The following LPP variants were observed in gnomAD, a reference collection of about 807,000 sequenced individuals.
LPP encodes LIM domain containing preferred translocation partner in lipoma, also known as lipoma-preferred partner.
In LPP, 38 loss-of-function variants were observed where a neutral mutation model predicts 60.4. The ratio of observed to expected loss-of-function variants is 0.63; its 90% CI spans 0.49 to 0.83. LPP has a LOEUF of 0.83. Among genes scored for constraint, LPP ranks in the 40% least tolerant of loss-of-function variants. The pLI is 0.00. For synonymous variants in LPP, 328 were observed against 290.8 expected, an observed-to-expected ratio of 1.13 and a Z score of -1.30; for missense variants, 902 against 783.6, an observed-to-expected ratio of 1.15 and a Z score of -1.80.
chr3:188,758,815 C>G (rs1731201622), intron 8 of LPP: 1 of 152,188 alleles, frequency 6.6e-6, no homozygotes, highest in Admixed American at 6.5e-5. Flanking sequence ...AGTTAGACTG[C>G]TTAGGCTGGA....
At chr3:188,498,131 G>C (rs1810772408) in intron 5 of LPP, among the ~76,000 whole-genome samples, 1 of 152,076 alleles carries the variant, frequency 6.6e-6, no homozygotes, top group African/African-American at 2.4e-5. Flanking sequence ...CACAACTCTT[G>C]ATGACTTGAA....
At chr3:188,367,697 G>A (rs545429917) in intron 3 of LPP, among the ~76,000 whole-genome samples, 1 of 152,202 alleles carries the variant, frequency 6.6e-6, no homozygotes, top group Non-Finnish European at 1.5e-5. Context: ...ATTCATAAAT[G>A]GTCAAATCAC....
chr3:188,250,794 C>G (rs9754528), intron 2 of LPP, among the ~76,000 whole-genome samples: 3 of 114,126 alleles, frequency 2.6e-5, no homozygotes, highest in Admixed American at 8.7e-5. Flanking sequence ...TTCTGTCTTT[C>G]TCTTTCTTTC....
intron 6 of LPP, among the ~76,000 whole-genome samples, chr3:188,579,837 G>T (rs1478223239): frequency 1.4e-5 from 2 of 141,556 alleles, no homozygotes; most frequent in African/African-American, 5.2e-5. Context: ...AGGCATGATG[G>T]CATGCACTTG....
chr3:188,717,574 A>G (rs919314404), intron 8 of LPP, among the ~76,000 whole-genome samples: 92 of 152,106 alleles, frequency 6.0e-4, no homozygotes, highest in African/African-American at 2.1e-3. Context: ...ATTTGGGGGG[A>G]AAAATGGGTT....
At chr3:188,269,276 C>T (rs1736764423) in intron 2 of LPP, among the ~76,000 whole-genome samples, 1 of 152,188 alleles carries the variant, frequency 6.6e-6, no homozygotes, top group Non-Finnish European at 1.5e-5. Context: ...GTCCTTAACC[C>T]TATTGAACTG....
intron 1 of LPP, among the ~76,000 whole-genome samples, chr3:188,221,988 A>G (rs1467599214): frequency 6.6e-6 from 1 of 152,160 alleles, no homozygotes; most frequent in East Asian, 1.9e-4. Flanking sequence ...TTACTAGCCT[A>G]GAGATATTGG....
chr3:188,728,435 G>A lies in LPP; in HGVS notation c.1240+20042G>A, dbSNP rs111396915. 7.3e-3 allele frequency among the ~76,000 whole-genome samples: 1,104 copies of A among 152,246 alleles called. 15 individuals carry two copies. The highest frequency in any genetic ancestry group is 0.025 in the African/African-American group (1,056 of 41,548). ...AAACTGCCTTTGTAGAATGCACTAT[G>A]TTATTTGATGGTTCTGGAGTAATAC... On this transcript the variant is annotated intron_variant, in intron 8 of 11. Coordinates refer to ENST00000617246, the MANE Select transcript of LPP (RefSeq NM_001375462.1).
intron 7 of LPP, among the ~76,000 whole-genome samples, chr3:188,643,951 T>C (rs1850657126): frequency 1.3e-5 from 2 of 152,188 alleles, no homozygotes; most frequent in Non-Finnish European, 1.5e-5. Flanking sequence ...CTGGGAATTT[T>C]AGAGGAATTT....
rs61271708 is a variant in LPP, at chr3:188,399,362, T to TAA, written c.-9-6739_-9-6738dup. On this transcript the variant is annotated intron_variant, in intron 3 of 11. Transcript: ENST00000617246. ...CTGACTTTTGTATAAAGAGAATGTT[T>TAA]AAAAAAAAAAAACCTTCAAAGTTAT... Among the ~76,000 whole-genome samples, 1,178 of 148,782 alleles carry TAA rather than the reference T, an allele frequency of 7.9e-3. 17 individuals are homozygous for TAA. Among genetic ancestry groups the TAA allele is most frequent in the African/African-American group, 0.028 (1,133 of 40,864 alleles).
chr3:188,508,324 A>G (rs1329994426), intron 5 of LPP, among the ~76,000 whole-genome samples: 1 of 152,228 alleles, frequency 6.6e-6, no homozygotes, highest in East Asian at 1.9e-4. Flanking sequence ...ACTTTGAAGC[A>G]GGTGTGATGT....
chr3:188,509,870 G>GTCGTTTTTTT (rs1560498059), intron 5 of LPP, among the ~76,000 whole-genome samples: 2 of 44,156 alleles, frequency 4.5e-5, no homozygotes, highest in Admixed American at 3.5e-4. Flanking sequence ...TTTTTTTTTT[G>GTCGTTTTTTT]TTGTTTTTTT....
At chr3:188,254,462 A>G (rs1577604032) in intron 2 of LPP, among the ~76,000 whole-genome samples, 2 of 152,174 alleles carry the variant, frequency 1.3e-5, no homozygotes, top group Admixed American at 1.3e-4. Context: ...GCATTAATTG[A>G]TGTATAAGGT....
At chr3:188,189,010 T>A (rs994648516) in intron 1 of LPP, among the ~76,000 whole-genome samples, 2 of 152,204 alleles carry the variant, frequency 1.3e-5, no homozygotes, top group African/African-American at 4.8e-5. Context: ...TGGGTGATAA[T>A]GTATTGGAGG....
Position 188,886,093 on chromosome 3 carries a change from T to C in LPP, c.*11614T>C, listed in dbSNP as rs1770627138. 1 of 151,430 alleles carries C rather than the reference T, an allele frequency of 6.6e-6. No homozygotes were observed. The highest frequency in any genetic ancestry group is 2.4e-5 in the African/African-American group (1 of 41,194). The allele number at this position is 151,430 out of a possible 1,614,324, so 9.4% of individuals were successfully genotyped here. On this transcript the variant is annotated 3_prime_UTR_variant, in exon 12 of 12. Coordinates refer to ENST00000617246, the MANE Select transcript of LPP (RefSeq NM_001375462.1). ...ACATGTTCTCACTCACAGGTGGGAA[T>C]TGAACAATGAGAACACATGGACACA...
intron 4 of LPP, among the ~76,000 whole-genome samples, chr3:188,473,030 C>G (rs1272353322): frequency 6.6e-6 from 1 of 152,054 alleles, no homozygotes; most frequent in Non-Finnish European, 1.5e-5. Flanking sequence ...TTGACTGTTT[C>G]TCTATTTTTT....
intron 9 of LPP, among the ~76,000 whole-genome samples, chr3:188,773,180 A>G (rs575155135): frequency 1.1e-4 from 17 of 152,170 alleles, no homozygotes; most frequent in Non-Finnish European, 2.4e-4. Context: ...TCCCACAGCC[A>G]GGGCTTACTT....
intron 4 of LPP, among the ~76,000 whole-genome samples, chr3:188,443,678 T>C (rs2149281652): frequency 6.6e-6 from 1 of 152,348 alleles, no homozygotes; most frequent in South Asian, 2.1e-4. Context: ...TTAGCAATGC[T>C]GAATCTCGTG....
At chr3:188,821,547 T>C (rs1296483152) in intron 9 of LPP, among the ~76,000 whole-genome samples, 4 of 152,026 alleles carry the variant, frequency 2.6e-5, no homozygotes, top group Non-Finnish European at 5.9e-5. Context: ...ATAGCTAACC[T>C]GCTAACCTTT....
Sources: allele counts gnomAD v4.1 joint callset (sites outside exome capture counted in the v4.1 genomes callset), GRCh38; gene constraint gnomAD v4.1.1; transcripts MANE v1.5; gene names NCBI Gene and HGNC (gene_info 2026-07-23, HGNC 2026-07-21).